Variants in RBM6 observed in about 807,000 individuals in gnomAD.
RBM6 encodes RNA-binding protein 6.
In RBM6, 23 loss-of-function variants were observed where a neutral mutation model predicts 140.4. The observed-to-expected ratio is 0.16, with a 90% CI of 0.12 to 0.23. RBM6 has a LOEUF of 0.23. Ranked by LOEUF, RBM6 falls within the 10% of genes least tolerant of loss-of-function variation. The pLI is 1.00. For missense variants in RBM6, 1,139 were observed against 1,386.7 expected (o/e 0.82, Z 2.84); for synonymous variants, 439 against 475.6 (o/e 0.92, Z 1.00).
intron 2 of RBM6, among the ~76,000 whole-genome samples, chr3:49,964,733 C>G (rs1467334229): frequency 6.6e-6 from 1 of 152,154 alleles, no homozygotes; most frequent in Non-Finnish European, 1.5e-5. Context: ...TTATGGGTAA[C>G]TATTTTGTAA....
rs142917866 is a variant in RBM6, at chr3:50,026,379, G to A, written c.1558-21866G>A. On this transcript the variant is annotated intron_variant, in intron 6 of 20. Coordinates refer to ENST00000266022, the MANE Select transcript of RBM6 (RefSeq NM_005777.3). ...ATTATAGGCGTGAGCCACTGTGCCC[G>A]GCCCTTTTTTTTTTTTTTGGAGACA... 2.7e-3 allele frequency among the ~76,000 whole-genome samples: 393 copies of A among 145,138 alleles called. 3 individuals are homozygous for A. The highest frequency in any genetic ancestry group is 9.1e-3 in the African/African-American group (357 of 39,274).
intron 6 of RBM6, among the ~76,000 whole-genome samples, chr3:50,002,475 TG>T (rs2086385399): frequency 6.6e-6 from 1 of 152,120 alleles, no homozygotes; most frequent in Admixed American, 6.6e-5. Flanking sequence ...TTTGCCAGGC[TG>T]GTCTGGAACT....
At position 49,994,503 on chromosome 3, in the gene RBM6, T is replaced by A. The variant is rs944519106; in HGVS notation, c.1484-4937T>A. Among the ~76,000 whole-genome samples the A allele has an allele frequency of 2.6e-5, 4 of 152,190 alleles. No homozygotes were observed. The East Asian group carries it at 7.7e-4, about 29-fold the overall frequency. On this transcript the variant is annotated intron_variant, in intron 5 of 20. Transcript: ENST00000266022. ...TTTTGCTAAAATCTCTAACTTGATA[T>A]TTTACTTTTCTAAAAACCTGTATTA...
chr3:50,056,696 C>G (rs951648398), intron 8 of RBM6, among the ~76,000 whole-genome samples: 1 of 152,210 alleles, frequency 6.6e-6, no homozygotes, highest in South Asian at 2.1e-4. Flanking sequence ...CTATATTGCT[C>G]TCATATAATA....
At position 50,029,368 on chromosome 3, in the gene RBM6, G is replaced by A. The variant is rs1391068555; in HGVS notation, c.1558-18877G>A. Reference sequence around the variant, plus strand: ...AAGAGTTTAAACAAAGAATCTCTAGGATTTGATAACACTGGATATCAGAGG... The same window carrying A: ...AAGAGTTTAAACAAAGAATCTCTAGAATTTGATAACACTGGATATCAGAGG... On this transcript the variant is annotated intron_variant, in intron 6 of 20. Transcript: ENST00000266022. Among the ~76,000 whole-genome samples the A allele has an allele frequency of 3.9e-5, 6 of 152,170 alleles. No homozygotes were observed. In the East Asian group the frequency reaches 1.2e-3, roughly 29 times the overall value.
At chr3:50,048,368 G>C in intron 7 of RBM6, 49 bp downstream of exon 7, 1 of 1,588,380 alleles carries the variant, frequency 6.3e-7, no homozygotes, top group Non-Finnish European at 8.6e-7. Context: ...TGGAATAACA[G>C]CTCCTCCATA....
At chr3:49,945,534 C>T (rs950874418) in intron 1 of RBM6, among the ~76,000 whole-genome samples, 5 of 151,908 alleles carry the variant, frequency 3.3e-5, no homozygotes, top group Non-Finnish European at 7.4e-5. Context: ...CCCTAAGCCC[C>T]AGTGTGACTG....
intron 7 of RBM6, among the ~76,000 whole-genome samples, chr3:50,049,118 A>G (rs1281707520): frequency 6.8e-6 from 1 of 147,656 alleles, no homozygotes; most frequent in African/African-American, 2.5e-5. Flanking sequence ...TTATTTATTT[A>G]TTTATTTTGA....
chr3:50,048,525 G>A (rs188613960), intron 7 of RBM6, among the ~76,000 whole-genome samples: 14 of 152,174 alleles, frequency 9.2e-5, no homozygotes, highest in African/African-American at 3.4e-4. Flanking sequence ...GAGAGTTCTG[G>A]ACCTGCAATT....
At chr3:49,941,990 A>C (rs1274888816) in intron 1 of RBM6, among the ~76,000 whole-genome samples, 1 of 151,450 alleles carries the variant, frequency 6.6e-6, no homozygotes. Context: ...AGCCCTAACT[A>C]CTCAGGAGGC....
At chr3:49,945,696 C>T (rs2083455702) in intron 1 of RBM6, among the ~76,000 whole-genome samples, 1 of 151,896 alleles carries the variant, frequency 6.6e-6, no homozygotes, top group Non-Finnish European at 1.5e-5. Flanking sequence ...TCCTGGCCAA[C>T]ACGGTGAAAC....
chr3:49,994,032 T>C (rs1327699500), intron 5 of RBM6, among the ~76,000 whole-genome samples: 1 of 152,210 alleles, frequency 6.6e-6, no homozygotes, highest in Non-Finnish European at 1.5e-5. Context: ...GTCAGATATT[T>C]TCCTAATTTT....
chr3:50,034,581 C>T (rs957913543), intron 6 of RBM6, among the ~76,000 whole-genome samples: 26 of 151,994 alleles, frequency 1.7e-4, no homozygotes, highest in Non-Finnish European at 3.2e-4. Flanking sequence ...GCCAACATGG[C>T]GAAACCCCAT....
intron 5 of RBM6, 123 bp downstream of exon 5, chr3:49,975,515 G>C (rs1406912961): frequency 1.3e-5 from 10 of 789,934 alleles, no homozygotes; most frequent in Non-Finnish European, 2.1e-5. Flanking sequence ...GCCTCCCGTT[G>C]GTGCCTCCAA....
chr3:50,046,583 GAA>G (rs75244837), intron 6 of RBM6, among the ~76,000 whole-genome samples: 30 of 124,174 alleles, frequency 2.4e-4, no homozygotes, highest in Admixed American at 2.5e-4. Context: ...CTGTCTCAGG[GAA>G]AAAAAAAAAA....
chr3:50,054,488 A>C, intron 8 of RBM6, 93 bp downstream of exon 8: 1 of 1,129,396 alleles, frequency 8.9e-7, no homozygotes, highest in Non-Finnish European at 1.3e-6. Flanking sequence ...TCATCCCTAA[A>C]TCCAAGTTGA....
Position 50,059,865 on chromosome 3 carries a change from G to C in RBM6, c.2228+119G>C, listed in dbSNP as rs2089867652. 3 of 711,466 alleles carry C rather than the reference G, an allele frequency of 4.2e-6. No individual in the cohort carries two copies. The South Asian group carries it at 6.2e-5, about 15-fold the overall frequency. The allele number at this position is 711,466 out of a possible 1,614,324, so 44.1% of individuals were successfully genotyped here. Reference sequence around the variant, plus strand: ...TGTTTTCCTAACATGGACTGCTTCAGATAGGTGTTTATTACAGTTTCTTTC... The same window carrying C: ...TGTTTTCCTAACATGGACTGCTTCACATAGGTGTTTATTACAGTTTCTTTC... On this transcript the variant is annotated intron_variant, in intron 11 of 20. Transcript: ENST00000266022.
At chr3:50,016,998 G>C (rs962115831) in intron 6 of RBM6, among the ~76,000 whole-genome samples, 1 of 151,886 alleles carries the variant, frequency 6.6e-6, no homozygotes, top group African/African-American at 2.4e-5. Context: ...GTTAACTTTT[G>C]TATTTTTAGT....
At chr3:49,944,631 A>G (rs1220441604) in intron 1 of RBM6, among the ~76,000 whole-genome samples, 1 of 148,986 alleles carries the variant, frequency 6.7e-6, no homozygotes, top group Non-Finnish European at 1.5e-5. Context: ...GTGCGCCACC[A>G]TGCCTAGCTA....
Sources: gnomAD v4.1 joint callset for allele counts (sites outside exome capture counted in the v4.1 genomes callset) on GRCh38, gnomAD v4.1.1 for gene constraint, MANE v1.5 for transcripts, NCBI Gene and HGNC (gene_info 2026-07-23, HGNC 2026-07-21) for gene names.